The following CYP4F12 variants were observed in gnomAD, a reference collection of about 807,000 sequenced individuals.
CYP4F12 encodes the protein cytochrome P450 family 4 subfamily F member 12.
In CYP4F12, 60 loss-of-function variants were observed where a neutral mutation model predicts 56.5. The ratio of observed to expected loss-of-function variants is 1.06; its 90% CI spans 0.86 to 1.32. The LOEUF is 1.32. CYP4F12 is among the 40% of genes most tolerant of loss of function. CYP4F12 has a pLI of 0.00. For synonymous variants in CYP4F12, 263 were observed against 264.9 expected, an observed-to-expected ratio of 0.99 and a Z score of 0.07; for missense variants, 711 against 683.5, an observed-to-expected ratio of 1.04 and a Z score of -0.45.
At chr19:15,689,778 G>A (rs1405529043) in intron 9 of CYP4F12, among the ~76,000 whole-genome samples, 2 of 152,184 alleles carry the variant, frequency 1.3e-5, no homozygotes, top group Non-Finnish European at 2.9e-5. Flanking sequence ...GTCATAAAAA[G>A]GAATGAAATA....
chr19:15,674,651 C>CACTCACTCATTCCTCT (rs2006822249), intron 2 of CYP4F12, among the ~76,000 whole-genome samples: 1 of 46,916 alleles, frequency 2.1e-5, no homozygotes, highest in African/African-American at 6.3e-5. Context: ...TTTGCTCTCC[C>CACTCACTCATTCCTCT]CACTCACTCA....
chr19:15,696,236 C>G lies in CYP4F12; in HGVS notation c.1314+11C>G, dbSNP rs371738234. The stretch of plus-strand genomic sequence containing the variant: ...TGGCCGGATCCTGAGGTGCTGCCTT[C>G]CCCATTCACCACCACCACCCCCATC... On this transcript the variant is annotated intron_variant, in intron 11 of 12. Transcript: ENST00000550308. 2 of 1,613,922 alleles carry G rather than the reference C, an allele frequency of 1.2e-6. No homozygotes were observed. The highest frequency in any genetic ancestry group is 1.3e-5 in the African/African-American group (1 of 74,904).
chr19:15,691,094 A>G (rs529203625), intron 9 of CYP4F12, among the ~76,000 whole-genome samples: 4 of 152,328 alleles, frequency 2.6e-5, no homozygotes, highest in East Asian at 1.9e-4. Flanking sequence ...AACATTTCCA[A>G]TCATTGGAGG....
intron 11 of CYP4F12, 84 bp downstream of exon 11, chr19:15,696,309 G>A: frequency 6.2e-7 from 1 of 1,610,960 alleles, no homozygotes; most frequent in Non-Finnish European, 8.5e-7. Context: ...CCTAGTGGAG[G>A]GGGCAGGGTT....
chr19:15,683,712 C>T lies in CYP4F12; in HGVS notation c.867C>T (p.Asp289=), dbSNP rs1237274325. 4 of 1,603,308 alleles carry T rather than the reference C, an allele frequency of 2.5e-6. No individual in the cohort carries two copies. Among genetic ancestry groups the T allele is most frequent in the Admixed American group, 1.7e-5 (1 of 57,788 alleles). ...AGGGTATTGATGATTTTTTCAAAGA[C>T]AAAGCCAAGTCCAAGACTTTGGATT... The part of the protein sequence containing the change: ...PTQGIDDFFK[D]KAKSKTLDFI... Residue 289 remains aspartate (D), a synonymous_variant, in exon 7 of 13, where the codon GAC becomes GAT. Transcript: ENST00000550308.
Position 15,693,213 on chromosome 19 carries a change from A to G in CYP4F12, c.1116-2723A>G, listed in dbSNP as rs551137094. ...CCTGGCAACGTGTGGGGAGAAGTAA[A>G]TGGCATTGGGCCATAGGAGTGAATT... On this transcript the variant is annotated intron_variant, in intron 9 of 12. Coordinates refer to ENST00000550308, the MANE Select transcript of CYP4F12 (RefSeq NM_023944.4). Among the ~76,000 whole-genome samples the G allele has an allele frequency of 7.2e-5, 11 of 152,346 alleles. No individual in the cohort carries two copies. The East Asian group carries it at 1.9e-3, about 27-fold the overall frequency.
intron 1 of CYP4F12, 172 bp from the exon 2 acceptor site, chr19:15,673,357 A>T (rs7254627): frequency 1.4e-6 from 1 of 722,672 alleles, no homozygotes; most frequent in African/African-American, 1.8e-5. Flanking sequence ...GAGGCCACTT[A>T]GTTGTTGGTT....
intron 11 of CYP4F12, 86 bp from the exon 12 acceptor site, chr19:15,696,344 C>T: frequency 1.2e-6 from 2 of 1,609,308 alleles, no homozygotes; most frequent in Non-Finnish European, 1.7e-6. Flanking sequence ...CCAACATCAC[C>T]TCACCCCAAA....
intron 9 of CYP4F12, among the ~76,000 whole-genome samples, chr19:15,687,627 C>T (rs1429130748): frequency 6.6e-6 from 1 of 150,832 alleles, no homozygotes; most frequent in Non-Finnish European, 1.5e-5. Context: ...CTCTGTGAGA[C>T]AGGTGAAAAA....
chr19:15,693,222 G>A (rs914868594), intron 9 of CYP4F12, among the ~76,000 whole-genome samples: 6 of 152,090 alleles, frequency 3.9e-5, no homozygotes, highest in Non-Finnish European at 5.9e-5. Context: ...AATGGCATTG[G>A]GCCATAGGAG....
At chr19:15,677,378 C>G (rs530996794) in intron 2 of CYP4F12, among the ~76,000 whole-genome samples, 405 of 17,966 alleles carry the variant, frequency 0.023, 178 homozygotes, top group African/African-American at 0.063. Context: ...TCACTCATTC[C>G]TCTGCTCACT....
intron 9 of CYP4F12, among the ~76,000 whole-genome samples, chr19:15,692,675 C>T (rs1005694586): frequency 6.6e-6 from 1 of 152,096 alleles, no homozygotes; most frequent in African/African-American, 2.4e-5. Context: ...CCTAAAAGCT[C>T]TAGAAGGAAC....
chr19:15,692,153 C>T (rs868311532), intron 9 of CYP4F12, among the ~76,000 whole-genome samples: 13 of 152,244 alleles, frequency 8.5e-5, no homozygotes, highest in Middle Eastern at 6.8e-3. Flanking sequence ...GATGAGGTTT[C>T]ACCACATTGG....
chr19:15,680,297 GGTGA>G lies in CYP4F12; in HGVS notation c.397+3_397+6del, dbSNP rs1287772084. 6.2e-7 allele frequency: 1 copy of G among 1,612,402 alleles called. No individual in the cohort carries two copies. Among genetic ancestry groups the G allele is most frequent in the Non-Finnish European group, 8.5e-7 (1 of 1,179,036 alleles). On this transcript the variant is annotated splice_donor_variant and splice_donor_region_variant and intron_variant, in intron 4 of 12. Coordinates refer to ENST00000550308, the MANE Select transcript of CYP4F12 (RefSeq NM_023944.4). LOFTEE classifies it high-confidence loss of function. ...CATCAGGTTCCTGAAGCCCTGGCTGGGTGAGTACCTGCAGGTGAAAGGGGTTGGG... is the reference window on the plus strand; with the variant it reads ...CATCAGGTTCCTGAAGCCCTGGCTGGGTACCTGCAGGTGAAAGGGGTTGGG...
At chr19:15,680,150 G>A (rs1408629089) in intron 3 of CYP4F12, 94 bp from the exon 4 acceptor site, 1 of 1,487,680 alleles carries the variant, frequency 6.7e-7, no homozygotes, top group African/African-American at 1.4e-5. Flanking sequence ...TGCTGGGCAT[G>A]GAGTGGGGAA....
chr19:15,680,566 G>A (rs1261687039), intron 5 of CYP4F12, 47 bp downstream of exon 5: 2 of 1,613,582 alleles, frequency 1.2e-6, no homozygotes, highest in Non-Finnish European at 1.7e-6. Context: ...TGGGGTGGAG[G>A]GACCATGGAC....
At chr19:15,695,513 A>C (rs562052214) in intron 9 of CYP4F12, among the ~76,000 whole-genome samples, 127 of 151,206 alleles carry the variant, frequency 8.4e-4, no homozygotes, top group African/African-American at 2.7e-3. Context: ...TAAAAAAAAA[A>C]AAACAAATTG....
chr19:15,683,653 G>A lies in CYP4F12; in HGVS notation c.808G>A (p.Val270Ile). ...CCTGGTGCATGACTTCACAGACGCT[G>A]TCATCCGGGAGCGGCGTCGCACCCT... ...CRLVHDFTDA[V>I]IRERRRTLPT... Residue 270 changes from valine to isoleucine, a missense_variant, in exon 7 of 13, where the codon GTC (valine) becomes ATC (isoleucine). Transcript: ENST00000550308. The A allele has an allele frequency of 6.2e-7, 1 of 1,613,708 alleles. No homozygotes were observed. The highest frequency in any genetic ancestry group is 1.7e-5 in the Admixed American group (1 of 59,914).
Position 15,696,049 on chromosome 19 carries a change from A to C in CYP4F12, c.1229A>C (p.Asp410Ala). 1 of 1,613,832 alleles carries C rather than the reference A, an allele frequency of 6.2e-7. No homozygotes were observed. The highest frequency in any genetic ancestry group is 1.1e-5 in the South Asian group (1 of 91,068). ...TGCACCCAGGACATTGTTCTCCCAGATGGCCGAGTCATCCCCAAAGGTGCC... is the reference window on the plus strand; with the variant it reads ...TGCACCCAGGACATTGTTCTCCCAGCTGGCCGAGTCATCCCCAAAGGTGCC... The part of the protein sequence containing the change: ...RCCTQDIVLP[D>A]GRVIPKGITC... Residue 410 changes from aspartate to alanine, a missense_variant, in exon 10 of 13, where the codon GAT (aspartate) becomes GCT (alanine). Physicochemically the swap from Asp to Ala is moderately radical, Grantham distance 126. Transcript: ENST00000550308.
Sources: allele counts gnomAD v4.1 joint callset (sites outside exome capture counted in the v4.1 genomes callset), GRCh38; gene constraint gnomAD v4.1.1; transcripts MANE v1.5; gene names NCBI Gene and HGNC (gene_info 2026-07-23, HGNC 2026-07-21).